Variants in DHX38 observed in about 807,000 individuals in gnomAD.
DHX38 encodes pre-mRNA-splicing factor ATP-dependent RNA helicase PRP16.
DHX38 carries 100 observed loss-of-function variants against 153.1 expected under a neutral mutation model. That is an observed-to-expected ratio of 0.65 (90% CI 0.56 to 0.77). The LOEUF is 0.77. Among genes scored for constraint, DHX38 ranks in the 30% least tolerant of loss-of-function variants. DHX38 has a pLI of 0.00. For missense variants in DHX38, 1,440 were observed against 1,654.0 expected (o/e 0.87, Z 2.24); for synonymous variants, 650 against 631.7 (o/e 1.03, Z -0.43).
At chr16:72,103,251 G>C in intron 12 of DHX38, 40 bp downstream of exon 12, 1 of 1,600,364 alleles carries the variant, frequency 6.2e-7, no homozygotes, top group Non-Finnish European at 8.5e-7. Flanking sequence ...TGTCAAGTCA[G>C]GGGTGCCCTT....
chr16:72,103,882 A>G (rs2042134942), intron 13 of DHX38, 64 bp from the exon 14 acceptor site: 1 of 1,604,648 alleles, frequency 6.2e-7, no homozygotes, highest in Non-Finnish European at 8.5e-7. Flanking sequence ...CTCGGACCCC[A>G]GTACGGGGTG....
At position 72,112,840 on chromosome 16, in the gene DHX38, A is replaced by AAAG. The variant is rs1472094724; in HGVS notation, c.*345_*347dup. On this transcript the variant is annotated 3_prime_UTR_variant, in exon 27 of 27. Transcript: ENST00000268482. ...TTTAATCCTTGTGTAAAGCAGCAAA[A>AAAG]AAGACCTAAAGGGAATTGTAATTTG... is the stretch of plus-strand genomic sequence containing the variant. 2 of 702,350 alleles carry AAAG rather than the reference A, an allele frequency of 2.8e-6. No homozygotes were observed. The highest frequency in any genetic ancestry group is 3.5e-5 in the African/African-American group (2 of 57,266). The allele number at this position is 702,350 out of a possible 1,614,324, so 43.5% of individuals were successfully genotyped here. A position where few individuals can be genotyped will look rare whatever the true frequency, so the allele number is the denominator to read the frequency against.
chr16:72,096,261 A>G lies in DHX38; in HGVS notation c.104A>G (p.Glu35Gly), dbSNP rs750813855. The change falls in exon 2 of 27, where the codon GAG (glutamate) becomes GGG (glycine). Residue 35 changes from glutamate to glycine, a missense_variant. Physicochemically the swap from Glu to Gly is moderately conservative, Grantham distance 98. Coordinates refer to ENST00000268482, the MANE Select transcript of DHX38 (RefSeq NM_014003.4). ...LICKSKSAAS[E>G]QHVFKAPAPR... is the part of the protein sequence containing the mutation. ...TGCAAGTCCAAAAGTGCGGCCAGCGAGCAGCATGTCTTCAAGGCTCCTGCT... is the reference window on the plus strand; with the variant it reads ...TGCAAGTCCAAAAGTGCGGCCAGCGGGCAGCATGTCTTCAAGGCTCCTGCT... 1.2e-6 allele frequency: 2 copies of G among 1,614,190 alleles called. No individual in the cohort carries two copies. The highest frequency in any genetic ancestry group is 3.3e-5 in the Admixed American group (2 of 60,032).
rs1477598476 is a variant in DHX38 at position 72,108,373 on chromosome 16, C to T, written c.3111C>T (p.Ala1037=). The change falls in exon 22 of 27, where the codon GCC becomes GCT. Residue 1037 remains alanine (A), a synonymous_variant. Coordinates refer to ENST00000268482, the MANE Select transcript of DHX38 (RefSeq NM_014003.4). ...ACGATCATTTCATCCATGCTAAGGCCATGCGGAAGGTAGAGTGGTGGATGA... is the reference window on the plus strand; with the variant it reads ...ACGATCATTTCATCCATGCTAAGGCTATGCGGAAGGTAGAGTGGTGGATGA... The part of the protein sequence containing the change: ...WCNDHFIHAK[A]MRKVREVRAQ... The T allele has an allele frequency of 6.8e-6, 11 of 1,614,022 alleles. No individual in the cohort carries two copies. Among genetic ancestry groups the T allele is most frequent in the African/African-American group, 1.3e-5 (1 of 74,894 alleles).
chr16:72,095,897 GT>G (rs2042009235), intron 1 of DHX38, among the ~76,000 whole-genome samples: 10 of 126,762 alleles, frequency 7.9e-5, no homozygotes, highest in Non-Finnish European at 1.9e-4. Context: ...TGTATGGGGT[GT>G]GTGTGTGTGT....
chr16:72,105,401 G>T, intron 17 of DHX38, 53 bp downstream of exon 17: 2 of 1,602,742 alleles, frequency 1.2e-6, no homozygotes, highest in Non-Finnish European at 1.7e-6. Context: ...TAAAGGAAGC[G>T]AGAGGGGATG....
At chr16:72,101,259 A>T in intron 10 of DHX38, 66 bp downstream of exon 10, 1 of 1,553,402 alleles carries the variant, frequency 6.4e-7, no homozygotes. Flanking sequence ...TCTCTTCATA[A>T]GTCTTACTAG....
Position 72,101,173 on chromosome 16 carries a change from G to C in DHX38, c.1366G>C (p.Glu456Gln). The C allele has an allele frequency of 6.2e-7, 1 of 1,614,286 alleles. No homozygotes were observed. Residue 456 changes from glutamate (E) to glutamine (Q), a missense_variant, in exon 10 of 27, where the codon GAG (glutamate) becomes CAG (glutamine). Glu to Gln is a conservative substitution (Grantham distance 29). Transcript: ENST00000268482. ...CAGCCAGACAGTGCGGAAGCACAGG[G>C]AGCAGAAGGAGCGCAAGAAGGTTGG... is the stretch of plus-strand genomic sequence containing the variant. Reference protein sequence around the residue: ...KGSQTVRKHREQKERKKAQHK... With the variant: ...KGSQTVRKHRQQKERKKAQHK...
chr16:72,099,628 C>A, intron 7 of DHX38, 104 bp from the exon 8 acceptor site: 2 of 1,473,838 alleles, frequency 1.4e-6, no homozygotes, highest in Non-Finnish European at 1.8e-6. Flanking sequence ...GGTAGCTCCA[C>A]TGCAGTAGTG....
In DHX38 at chr16:72,104,047, C is replaced by T. The variant is rs1254713042; in HGVS notation, c.1926C>T (p.Asp642=). ...ILLRESLREA[D]LDHYSAIIMD... ...TCCGAGAGTCCCTCCGGGAAGCCGACCTGGATCACTACAGTGCCATCATCA... is the reference window on the plus strand; with the variant it reads ...TCCGAGAGTCCCTCCGGGAAGCCGATCTGGATCACTACAGTGCCATCATCA... The change falls in exon 14 of 27, where the codon GAC becomes GAT. Residue 642 remains aspartate (D), a synonymous_variant. Coordinates refer to ENST00000268482, the MANE Select transcript of DHX38 (RefSeq NM_014003.4). This position sits in a 1 kb window ranked among gnomAD's most constrained non-coding sequence, Gnocchi z 4.5. 1.9e-6 allele frequency: 3 copies of T among 1,614,044 alleles called. No individual in the cohort carries two copies. The Admixed American group carries it at 5.0e-5, about 27-fold the overall frequency.
Position 72,107,575 on chromosome 16 carries a change from G to GT in DHX38, c.2809+28dup. On this transcript the variant is annotated intron_variant, in intron 20 of 26. Coordinates refer to ENST00000268482, the MANE Select transcript of DHX38 (RefSeq NM_014003.4). This position sits in a 1 kb window ranked among gnomAD's most constrained non-coding sequence, Gnocchi z 5.3. ...TGAGGCGGCCCCGGGAGCCTCATGGGTGCTGGCGCTTGACTTCCTTCTTTC... is the reference window on the plus strand; with the variant it reads ...TGAGGCGGCCCCGGGAGCCTCATGGGTTGCTGGCGCTTGACTTCCTTCTTTC... 2.5e-6 allele frequency: 4 copies of GT among 1,609,776 alleles called. No individual in the cohort carries two copies. Among genetic ancestry groups the GT allele is most frequent in the Non-Finnish European group, 3.4e-6 (4 of 1,176,468 alleles).
intron 7 of DHX38, 152 bp downstream of exon 7, chr16:72,099,432 G>A (rs530314560): frequency 1.5e-5 from 11 of 751,974 alleles, no homozygotes; most frequent in African/African-American, 1.2e-4. Flanking sequence ...TAGACGGCAC[G>A]GTGAACCCTG....
At chr16:72,106,140 C>T (rs1316943025) in intron 19 of DHX38, 23 bp downstream of exon 19, 1 of 1,609,984 alleles carries the variant, frequency 6.2e-7, no homozygotes, top group Admixed American at 1.7e-5. Context: ...TGCTAGCCTG[C>T]TTTCTGGGGC....
chr16:72,103,398 T>C (rs1305596168), intron 12 of DHX38, among the ~76,000 whole-genome samples, 187 bp downstream of exon 12: 1 of 152,248 alleles, frequency 6.6e-6, no homozygotes, highest in Non-Finnish European at 1.5e-5. Context: ...TTGTTTTAGC[T>C]CACCTGTTTA....
rs1229500114 is a variant in DHX38, at chr16:72,107,801, TG to T, written c.2964+6del. On this transcript the variant is annotated splice_donor_region_variant and intron_variant, in intron 21 of 26. Coordinates refer to ENST00000268482, the MANE Select transcript of DHX38 (RefSeq NM_014003.4). The surrounding 1 kb of genome is among the most constrained non-coding windows in gnomAD (Gnocchi z 5.3). The stretch of plus-strand genomic sequence containing the variant: ...CCAGCCATCTTCTACAGGCCCAAGG[TG>T]GGGCAGCGGCTGGCTCCCCTCTCCC... 2 of 1,612,528 alleles carry T rather than the reference TG, an allele frequency of 1.2e-6. No individual in the cohort carries two copies. The highest frequency in any genetic ancestry group is 1.1e-5 in the South Asian group (1 of 91,050).
chr16:72,097,479 T>G (rs1178522777), intron 3 of DHX38, 198 bp from the exon 4 acceptor site: 4 of 534,204 alleles, frequency 7.5e-6, no homozygotes, highest in Non-Finnish European at 1.3e-5. Flanking sequence ...TTACTGTGGG[T>G]TTGAAATTTT....
At position 72,106,000 on chromosome 16, in the gene DHX38, C is replaced by G. The variant is rs950721642; in HGVS notation, c.2488-5C>G. The stretch of plus-strand genomic sequence containing the variant: ...CTTCGTCAGCTCTTTGCCGTCCCCT[C>G]CTAGGTCTTCAACCCCAGGATTGGC... On this transcript the variant is annotated splice_polypyrimidine_tract_variant and splice_region_variant and intron_variant, in intron 18 of 26. Coordinates refer to ENST00000268482, the MANE Select transcript of DHX38 (RefSeq NM_014003.4). The G allele has an allele frequency of 2.5e-6, 4 of 1,613,806 alleles. No homozygotes were observed. In the African/African-American group the frequency reaches 4.0e-5, roughly 16 times the overall value.
At position 72,101,058 on chromosome 16, in the gene DHX38, G is replaced by A. The variant is rs372226319; in HGVS notation, c.1279-28G>A. 4.6e-5 allele frequency: 74 copies of A among 1,605,864 alleles called. No homozygotes were observed. In the African/African-American group the frequency reaches 8.2e-4, roughly 18 times the overall value. ...ATGGCCTTCTTGCTGATTTTAACGG[G>A]CATCGCTCTTTCTCCCCACTGCTGC... is the stretch of plus-strand genomic sequence containing the variant. On this transcript the variant is annotated intron_variant, in intron 9 of 26. Coordinates refer to ENST00000268482, the MANE Select transcript of DHX38 (RefSeq NM_014003.4).
In DHX38 at chr16:72,096,352, G is replaced by A; in HGVS notation, c.195G>A (p.Lys65=). The change falls in exon 2 of 27, where the codon AAG becomes AAA. Residue 65 remains lysine (K), a synonymous_variant. Transcript: ENST00000268482. ...ASLKRREREE[K]DDGEDKKKSK... ...TGAAACGGAGAGAGCGAGAGGAGAA[G>A]GACGATGGGGAGGACAAGAAGAAGT... The A allele has an allele frequency of 6.2e-7, 1 of 1,614,182 alleles. No homozygotes were observed. Among genetic ancestry groups the A allele is most frequent in the Non-Finnish European group, 8.5e-7 (1 of 1,180,032 alleles).
Sources: gnomAD v4.1 joint callset for allele counts (sites outside exome capture counted in the v4.1 genomes callset) on GRCh38, gnomAD v4.1.1 for gene constraint, Gnocchi (gnomAD v3.1) non-coding constraint, MANE v1.5 for transcripts, NCBI Gene and HGNC (gene_info 2026-07-23, HGNC 2026-07-21) for gene names.